The following PPRC1 variants were observed in gnomAD, a reference collection of about 807,000 sequenced individuals.
PPRC1 encodes the protein peroxisome proliferator-activated receptor gamma coactivator-related protein 1.
PPRC1 carries 23 observed loss-of-function variants against 132.5 expected under a neutral mutation model. The ratio of observed to expected loss-of-function variants is 0.17; its 90% CI spans 0.12 to 0.25. PPRC1 has a LOEUF of 0.25. Ranked by LOEUF, PPRC1 falls within the 10% of genes least tolerant of loss-of-function variation. PPRC1 has a pLI of 1.00. For missense variants in PPRC1, 2,006 were observed against 2,089.1 expected, an observed-to-expected ratio of 0.96 and a Z score of 0.78; for synonymous variants, 872 against 833.5, an observed-to-expected ratio of 1.05 and a Z score of -0.80.
At chr10:102,126,827 C>T in the PPRC1 span, among the ~76,000 whole-genome samples, 71 of 151,814 alleles carry the variant, frequency 4.7e-4, no homozygotes, top group Admixed American at 1.1e-3. Flanking sequence ...TGCCCTGACA[C>T]GTGACTCCTC....
At position 102,144,207 on chromosome 10, in the gene PPRC1, A is replaced by G; in HGVS notation, c.3551-43A>G. 2.5e-6 allele frequency: 4 copies of G among 1,600,102 alleles called. No homozygotes were observed. In the East Asian group the frequency reaches 6.7e-5, roughly 27 times the overall value. ...AAGCCCTTCTGTGCCGCCTCAGTCT[A>G]GAACATCTGGTTGGGCTTTTAACTA... is the stretch of plus-strand genomic sequence containing the variant. On this transcript the variant is annotated intron_variant, in intron 6 of 13. Transcript: ENST00000278070.
Position 102,143,053 on chromosome 10 carries a change from G to T in PPRC1, c.3505G>T (p.Ala1169Ser). 6.2e-7 allele frequency: 1 copy of T among 1,613,406 alleles called. No individual in the cohort carries two copies. The highest frequency in any genetic ancestry group is 8.5e-7 in the Non-Finnish European group (1 of 1,179,410). ...GTTGTGTGCCTCCACAGGAATTGAG[G>T]CATCGGACCTGTCCAGTCTGCTGGA... is the stretch of plus-strand genomic sequence containing the variant. ...QAFISEIGIE[A>S]SDLSSLLEQF... is the part of the protein sequence containing the mutation. Residue 1169 changes from alanine (A) to serine (S), a missense_variant, in exon 6 of 14, where the codon GCA becomes TCA. Physicochemically the swap from Ala to Ser is moderately conservative, Grantham distance 99 (BLOSUM62 1). This residue lies in a region of PPRC1 where 1,914 missense variants were observed against 1,917.2 expected (regional missense o/e 1.00). Transcript: ENST00000278070.
chr10:102,126,344 G>GA, the PPRC1 span, among the ~76,000 whole-genome samples: 112,630 of 148,800 alleles, frequency 0.76, 42,888 homozygotes, highest in Non-Finnish European at 0.8. Context: ...TGACTCAAAA[G>GA]AAAAAAAAAA....
intron 1 of PPRC1, among the ~76,000 whole-genome samples, chr10:102,133,874 G>A (rs996644102): frequency 6.6e-6 from 1 of 151,952 alleles, no homozygotes. Flanking sequence ...TTTGTTCAGA[G>A]CCTTGGAGGT....
chr10:102,144,442 C>A, intron 7 of PPRC1, 135 bp downstream of exon 7: 1 of 815,650 alleles, frequency 1.2e-6, no homozygotes, highest in Non-Finnish European at 1.9e-6. Context: ...GTTTCCCCAC[C>A]CCTTACTCTG....
chr10:102,127,390 T>TA, the PPRC1 span, among the ~76,000 whole-genome samples: 13,836 of 151,822 alleles, frequency 0.091, 1,584 homozygotes, highest in African/African-American at 0.27. Flanking sequence ...ATAAATAAAA[T>TA]AAAATACATT....
At chr10:102,149,804 G>C (rs1163737993) in intron 13 of PPRC1, 122 bp from the exon 14 acceptor site, 14 of 747,064 alleles carry the variant, frequency 1.9e-5, no homozygotes, top group African/African-American at 1.7e-4. Flanking sequence ...CTATCTCTTT[G>C]ACTTAAAATT....
In PPRC1 at chr10:102,150,255, A is replaced by G. The variant is rs567641297; in HGVS notation, c.*226A>G. On this transcript the variant is annotated 3_prime_UTR_variant, in exon 14 of 14. Transcript: ENST00000278070. ...AACTTGCATTCCTATGTAAGATAGG[A>G]GGGGCTGAGGGGATCCCCAGTGTTT... 1.1e-5 allele frequency: 5 copies of G among 437,314 alleles called. No individual in the cohort carries two copies. Among genetic ancestry groups the G allele is most frequent in the African/African-American group, 9.9e-5 (5 of 50,318 alleles). 27.1% of individuals were successfully genotyped at this position (437,314 alleles called of 1,614,324 possible). A position where few individuals can be genotyped will look rare whatever the true frequency, so the allele number is the denominator to read the frequency against.
chr10:102,132,073 G>A (rs1269526362), upstream of PPRC1, among the ~76,000 whole-genome samples: 2 of 152,136 alleles, frequency 1.3e-5, no homozygotes, highest in Non-Finnish European at 2.9e-5. Context: ...CATAAAAAAA[G>A]CAAATCACCA....
At chr10:102,138,352 G>A (rs192081919) in intron 2 of PPRC1, among the ~76,000 whole-genome samples, 1 of 152,314 alleles carries the variant, frequency 6.6e-6, no homozygotes, top group East Asian at 1.9e-4. Context: ...GCCGATGGTT[G>A]TCTGCTGAGC....
At chr10:102,132,865 G>T (rs1005846304), upstream of PPRC1, 1 of 651,932 alleles carries the variant, frequency 1.5e-6, no homozygotes, top group Non-Finnish European at 2.2e-6. Flanking sequence ...AGTGCCAAAC[G>T]GTCCCCACTT....
rs1487189990 is a variant in PPRC1 at position 102,141,817 on chromosome 10, G to A, written c.3309G>A (p.Glu1103=). 6.2e-7 allele frequency: 1 copy of A among 1,614,050 alleles called. No individual in the cohort carries two copies. Among genetic ancestry groups the A allele is most frequent in the Non-Finnish European group, 8.5e-7 (1 of 1,179,978 alleles). Residue 1103 remains glutamate, a synonymous_variant, in exon 5 of 14, where the codon GAG becomes GAA. Transcript: ENST00000278070. ...EEPASERLKP[E]TQETRPREKP... is the part of the protein sequence containing the mutation. ...CTGCATCAGAGAGGCTAAAGCCTGA[G>A]ACCCAAGAGACCAGGCCCAGGGAGA...
At chr10:102,127,057 ATATATATATAT>A in the PPRC1 span, among the ~76,000 whole-genome samples, 437 of 76,936 alleles carry the variant, frequency 5.7e-3, 18 homozygotes, top group African/African-American at 0.012. Flanking sequence ...ATATATATAT[ATATATATATAT>A]AAATTAAAAA....
In PPRC1 at chr10:102,138,776, G is replaced by A. The variant is rs774897666; in HGVS notation, c.489+11G>A. Reference sequence around the variant, plus strand: ...CGGGAGGGCTCCTCTGTGAGTGTGGGACCAGGGGAAGGGGATTAGTACAAA... The same window carrying A: ...CGGGAGGGCTCCTCTGTGAGTGTGGAACCAGGGGAAGGGGATTAGTACAAA... On this transcript the variant is annotated intron_variant, in intron 3 of 13. Coordinates refer to ENST00000278070, the MANE Select transcript of PPRC1 (RefSeq NM_015062.5). The A allele has an allele frequency of 6.2e-7, 1 of 1,614,126 alleles. No homozygotes were observed. The highest frequency in any genetic ancestry group is 8.5e-7 in the Non-Finnish European group (1 of 1,179,980).
chr10:102,123,712 T>G, the PPRC1 span, among the ~76,000 whole-genome samples: 1 of 152,098 alleles, frequency 6.6e-6, no homozygotes, highest in East Asian at 1.9e-4. Context: ...TGTATTTTTT[T>G]TAGTAGAGAC....
chr10:102,125,529 A>G, the PPRC1 span, among the ~76,000 whole-genome samples: 2 of 152,232 alleles, frequency 1.3e-5, no homozygotes, highest in East Asian at 3.9e-4. Context: ...AAGTGCTGGG[A>G]TTACAGGGGT....
chr10:102,141,494 A>G lies in PPRC1; in HGVS notation c.2986A>G (p.Thr996Ala), dbSNP rs766876349. Reference protein sequence around the residue: ...PGPQHAPFWSTVPPPPLPPAS... With the variant: ...PGPQHAPFWSAVPPPPLPPAS... ...GCCTCAACATGCTCCATTCTGGTCT[A>G]CTGTTCCCCCACCTCCTTTGCCTCC... The change falls in exon 5 of 14, where the codon ACT (threonine) becomes GCT (alanine). Residue 996 changes from threonine to alanine, a missense_variant. Coordinates refer to ENST00000278070, the MANE Select transcript of PPRC1 (RefSeq NM_015062.5). The G allele has an allele frequency of 1.9e-5, 31 of 1,613,722 alleles. No individual in the cohort carries two copies. In the South Asian group the frequency reaches 3.2e-4, roughly 17 times the overall value.
In PPRC1 at chr10:102,142,343, C is replaced by T. The variant is rs190113639; in HGVS notation, c.3496+339C>T. Reference sequence around the variant, plus strand: ...GTCTCAATCTCCTGATCTCGTGATCCGCCTACCTCAGCCTCCCAAAGTGCT... The same window carrying T: ...GTCTCAATCTCCTGATCTCGTGATCTGCCTACCTCAGCCTCCCAAAGTGCT... On this transcript the variant is annotated intron_variant, in intron 5 of 13. Transcript: ENST00000278070. 4.5e-3 allele frequency among the ~76,000 whole-genome samples: 669 copies of T among 148,386 alleles called. 8 individuals carry two copies. The highest frequency in any genetic ancestry group is 0.015 in the African/African-American group (598 of 39,844).
chr10:102,133,183 C>G lies in PPRC1; in HGVS notation c.115C>G (p.Pro39Ala). 3 of 1,277,476 alleles carry G rather than the reference C, an allele frequency of 2.3e-6. No individual in the cohort carries two copies. The highest frequency in any genetic ancestry group is 3.0e-6 in the Non-Finnish European group (3 of 1,005,152). The allele number at this position is 1,277,476 out of a possible 1,614,324, so 79.1% of individuals were successfully genotyped here. The part of the protein sequence containing the change: ...GSGWGSRSQA[P>A]YGTLGAVSGG... ...TGGTTGGGGAAGTCGAAGCCAAGCG[C>G]CGTATGGGACTTTGGGCGCTGTGAG... is the stretch of plus-strand genomic sequence containing the variant. Residue 39 changes from proline to alanine, a missense_variant, in exon 1 of 14, where the codon CCG becomes GCG. Coordinates refer to ENST00000278070, the MANE Select transcript of PPRC1 (RefSeq NM_015062.5).
Sources: gnomAD v4.1 joint callset for allele counts (sites outside exome capture counted in the v4.1 genomes callset) on GRCh38, gnomAD v4.1.1 for gene constraint, gnomAD v4.1.1 regional missense constraint, MANE v1.5 for transcripts, NCBI Gene and HGNC (gene_info 2026-07-23, HGNC 2026-07-21) for gene names.